Variants in TRMT10B observed in about 807,000 individuals in gnomAD.
TRMT10B encodes the protein tRNA methyltransferase 10B.
Under a neutral mutation model 43.8 loss-of-function variants are expected in TRMT10B, and 33 were observed. The ratio of observed to expected loss-of-function variants is 0.75; its 90% confidence interval spans 0.57 to 1.01. TRMT10B has a LOEUF of 1.01. Among genes scored for constraint, TRMT10B ranks in the 50% least tolerant of loss-of-function variants. The pLI is 0.00. For missense variants in TRMT10B, 362 were observed against 369.8 expected (o/e 0.98, Z 0.17); for synonymous variants, 137 against 130.6 (o/e 1.05, Z -0.34).
chr9:37,752,901 G>A (rs371776038), upstream of TRMT10B, among the ~76,000 whole-genome samples: 2 of 152,122 alleles, frequency 1.3e-5, no homozygotes, highest in Admixed American at 6.5e-5. Flanking sequence ...AGCAAGCAGC[G>A]GCAACCCGTT....
At chr9:37,776,501 C>A (rs1828168788) in intron 8 of TRMT10B, 96 bp downstream of exon 8, 2 of 1,432,296 alleles carry the variant, frequency 1.4e-6, no homozygotes, top group African/African-American at 2.9e-5. Flanking sequence ...TCCTCTGTGA[C>A]TAATGTGTGT....
intron 7 of TRMT10B, among the ~76,000 whole-genome samples, chr9:37,773,854 G>A (rs1827841830): frequency 6.6e-6 from 1 of 151,660 alleles, no homozygotes; most frequent in Non-Finnish European, 1.5e-5. Flanking sequence ...AAGTCTGGAG[G>A]GCTGGAGGAC....
At chr9:37,753,090 A>G (rs1825117772), upstream of TRMT10B, among the ~76,000 whole-genome samples, 1 of 152,014 alleles carries the variant, frequency 6.6e-6, no homozygotes, top group African/African-American at 2.4e-5. Flanking sequence ...GAACAACTCC[A>G]GGTGTGCCCT....
At chr9:37,764,266 A>G (rs1826736594) in intron 4 of TRMT10B, among the ~76,000 whole-genome samples, 1 of 151,276 alleles carries the variant, frequency 6.6e-6, no homozygotes, top group Non-Finnish European at 1.5e-5. Context: ...CTTCTGCCTC[A>G]GCCTTCTGAG....
At chr9:37,775,002 C>T (rs547054949) in intron 7 of TRMT10B, among the ~76,000 whole-genome samples, 1 of 152,296 alleles carries the variant, frequency 6.6e-6, no homozygotes, top group East Asian at 1.9e-4. Context: ...TTCTGAATGG[C>T]CATCTTTTGG....
intron 3 of TRMT10B, among the ~76,000 whole-genome samples, chr9:37,762,977 CAAAA>C (rs57643861): frequency 1.5e-4 from 13 of 85,164 alleles, no homozygotes; most frequent in South Asian, 8.1e-4. Flanking sequence ...ACTAAAAATA[CAAAA>C]AAAAAAAAAA....
rs539588257 is a variant in TRMT10B at position 37,762,425 on chromosome 9, C to T, written c.187-152C>T. 6.9e-5 allele frequency: 80 copies of T among 1,159,048 alleles called. No individual in the cohort carries two copies. In the South Asian group the frequency reaches 1.1e-3, roughly 15 times the overall value. The allele number at this position is 1,159,048 out of a possible 1,614,324, so 71.8% of individuals were successfully genotyped here. On this transcript the variant is annotated intron_variant, in intron 2 of 8. Transcript: ENST00000297994. ...TCTGGGGCTCTGTTTTCTCTAAACA[C>T]GATCCAGTCTAGGTTTGTTTTTAAG...
At chr9:37,763,927 T>C (rs955304890) in intron 4 of TRMT10B, 174 bp downstream of exon 4, 17 of 1,321,262 alleles carry the variant, frequency 1.3e-5, no homozygotes, top group Non-Finnish European at 1.6e-5. Context: ...GTAACGAACC[T>C]GGAAGAGAAT....
At chr9:37,760,827 C>T (rs1406342658) in intron 1 of TRMT10B, among the ~76,000 whole-genome samples, 10 of 151,854 alleles carry the variant, frequency 6.6e-5, no homozygotes, top group East Asian at 1.9e-4. Flanking sequence ...TGACTACACC[C>T]GGAGGACCAG....
intron 2 of TRMT10B, 132 bp downstream of exon 2, chr9:37,762,249 CTG>C (rs1826428183): frequency 8.9e-7 from 1 of 1,117,332 alleles, no homozygotes; most frequent in African/African-American, 1.6e-5. Flanking sequence ...GATGAATTTT[CTG>C]CTAACTGGTT....
chr9:37,777,535 CCTTTT>C, intron 8 of TRMT10B, 61 bp from the exon 9 acceptor site: 3 of 1,313,416 alleles, frequency 2.3e-6, no homozygotes, highest in Non-Finnish European at 3.3e-6. Context: ...TACAGAACAT[CCTTTT>C]CATTTACTCG....
Position 37,768,129 on chromosome 9 carries a change from A to C in TRMT10B, c.474A>C (p.Lys158Asn), listed in dbSNP as rs551248574. The stretch of plus-strand genomic sequence containing the variant: ...GAAGGTTGTATGGTTCAAACAAAAA[A>C]GCTGACAGGCCATTTTGGATCTGCC... ...QIRRLYGSNKKADRPFWICLT... is the reference protein window; with the variant it reads ...QIRRLYGSNKNADRPFWICLT... Residue 158 changes from lysine to asparagine, a missense_variant, in exon 5 of 9, where the codon AAA (lysine) becomes AAC (asparagine). Physicochemically the swap from Lys to Asn is moderately conservative, Grantham distance 94. Coordinates refer to ENST00000297994, the MANE Select transcript of TRMT10B (RefSeq NM_144964.4). 6.2e-7 allele frequency: 1 copy of C among 1,614,234 alleles called. No homozygotes were observed. The highest frequency in any genetic ancestry group is 8.5e-7 in the Non-Finnish European group (1 of 1,180,042).
intron 7 of TRMT10B, among the ~76,000 whole-genome samples, chr9:37,774,414 A>G (rs749018107): frequency 3.3e-5 from 5 of 152,256 alleles, no homozygotes; most frequent in Non-Finnish European, 5.9e-5. Flanking sequence ...CTGAAAAATA[A>G]CTGGAAGATT....
In TRMT10B at chr9:37,768,102, T is replaced by G; in HGVS notation, c.447T>G (p.Ile149Met). Reference protein sequence around the residue: ...KKELSRLAGQIRRLYGSNKKA... With the variant: ...KKELSRLAGQMRRLYGSNKKA... ...AATTAAGTAGACTGGCTGGACAGAT[T>G]CGAAGGTTGTATGGTTCAAACAAAA... Residue 149 changes from isoleucine to methionine, a missense_variant, in exon 5 of 9, where the codon ATT becomes ATG. Ile to Met is a conservative substitution (Grantham distance 10). Transcript: ENST00000297994. 6.2e-7 allele frequency: 1 copy of G among 1,614,118 alleles called. No individual in the cohort carries two copies. Among genetic ancestry groups the G allele is most frequent in the Non-Finnish European group, 8.5e-7 (1 of 1,179,998 alleles).
At chr9:37,752,952 A>AATT (rs1825078270), upstream of TRMT10B, among the ~76,000 whole-genome samples, 1 of 152,070 alleles carries the variant, frequency 6.6e-6, no homozygotes, top group Non-Finnish European at 1.5e-5. Context: ...GTTCTTTGTA[A>AATT]TAAATCTTGT....
chr9:37,778,106 A>C lies in TRMT10B; in HGVS notation c.*399A>C, dbSNP rs1222358150. ...AGAGGGTGGCAGTGGCACATAGGCA[A>C]GTGTCTTTGCATGACATCTTCTCAG... is the stretch of plus-strand genomic sequence containing the variant. On this transcript the variant is annotated 3_prime_UTR_variant, in exon 9 of 9. Coordinates refer to ENST00000297994, the MANE Select transcript of TRMT10B (RefSeq NM_144964.4). 5.7e-6 allele frequency: 1 copy of C among 176,726 alleles called. No individual in the cohort carries two copies. The highest frequency in any genetic ancestry group is 1.2e-5 in the Non-Finnish European group (1 of 83,008). 10.9% of individuals were successfully genotyped at this position (176,726 alleles called of 1,614,324 possible). A position where few individuals can be genotyped will look rare whatever the true frequency, so the allele number is the denominator to read the frequency against.
intron 7 of TRMT10B, among the ~76,000 whole-genome samples, chr9:37,775,420 G>A (rs931655082): frequency 2.6e-5 from 4 of 152,172 alleles, no homozygotes; most frequent in South Asian, 4.1e-4. Context: ...CAGTCTGAGG[G>A]ACTTCATGAC....
intron 7 of TRMT10B, among the ~76,000 whole-genome samples, chr9:37,773,972 AAAC>A (rs1265390460): frequency 0.015 from 2,209 of 148,318 alleles, 59 homozygotes; most frequent in African/African-American, 0.052. Context: ...AAAAAAAAAA[AAAC>A]AACAATAATA....
intron 7 of TRMT10B, among the ~76,000 whole-genome samples, chr9:37,771,525 T>C (rs1827580620): frequency 6.6e-6 from 1 of 152,232 alleles, no homozygotes; most frequent in African/African-American, 2.4e-5. Flanking sequence ...GTTAATTTAA[T>C]TGAATTTATT....
Sources: allele counts gnomAD v4.1 joint callset (sites outside exome capture counted in the v4.1 genomes callset), GRCh38; gene constraint gnomAD v4.1.1; transcripts MANE v1.5; gene names NCBI Gene and HGNC (gene_info 2026-07-23, HGNC 2026-07-21).